Variants in OR4K1 observed in about 807,000 individuals in gnomAD.
OR4K1 encodes the protein olfactory receptor 4K1.
A neutral mutation model predicts 14.4 loss-of-function variants in OR4K1; 16 were observed. The ratio of observed to expected loss-of-function variants is 1.11; its 90% CI spans 0.75 to 1.68. OR4K1 has a LOEUF of 1.68. OR4K1 is among the 40% of genes most tolerant of loss of function. The pLI, the probability that OR4K1 is intolerant of heterozygous loss-of-function variation, is 0.00. For missense variants in OR4K1, 548 were observed against 376.9 expected, an observed-to-expected ratio of 1.45 and a Z score of -3.76; for synonymous variants, 181 against 133.1, an observed-to-expected ratio of 1.36 and a Z score of -2.48.
At chr14:19,926,580 C>A (rs1246921975), upstream of OR4K1, among the ~76,000 whole-genome samples, 3 of 152,214 alleles carry the variant, frequency 2.0e-5, no homozygotes, top group African/African-American at 7.2e-5. Flanking sequence ...GTTTTATATT[C>A]TTTACCACTG....
At chr14:19,928,911 G>A (rs1882121024), upstream of OR4K1, among the ~76,000 whole-genome samples, 1 of 151,920 alleles carries the variant, frequency 6.6e-6, no homozygotes, top group Non-Finnish European at 1.5e-5. Context: ...CATATATGTT[G>A]CACATATTTT....
At chr14:19,921,550 C>A in the OR4K1 span, 1 of 1,612,960 alleles carries the variant, frequency 6.2e-7, no homozygotes, top group South Asian at 1.1e-5. Flanking sequence ...TCTGAAATGT[C>A]ACTAGTAGTG....
chr14:19,922,078 C>CG, the OR4K1 span, among the ~76,000 whole-genome samples: 43,766 of 150,346 alleles, frequency 0.29, 4,618 homozygotes, highest in South Asian at 0.38. Context: ...CTCCCCCCCC[C>CG]AAAAATCAAT....
chr14:19,922,871 T>C, the OR4K1 span, among the ~76,000 whole-genome samples: 1 of 152,230 alleles, frequency 6.6e-6, no homozygotes, highest in East Asian at 1.9e-4. Flanking sequence ...GTAAAATTTA[T>C]CAGCTGTTCA....
At chr14:19,925,069 T>A in the OR4K1 span, among the ~76,000 whole-genome samples, 1 of 152,244 alleles carries the variant, frequency 6.6e-6, no homozygotes, top group Non-Finnish European at 1.5e-5. Flanking sequence ...TTCTTTTTTT[T>A]TCCTCTGGTT....
intron 1 of OR4K1, among the ~76,000 whole-genome samples, chr14:19,932,457 A>G (rs1882206711): frequency 2.0e-5 from 3 of 151,952 alleles, no homozygotes; most frequent in African/African-American, 7.3e-5. Flanking sequence ...ATTACGTTCC[A>G]CTCTGAAATG....
chr14:19,927,391 T>C (rs1158781727), upstream of OR4K1, among the ~76,000 whole-genome samples: 2 of 152,354 alleles, frequency 1.3e-5, no homozygotes, highest in Admixed American at 1.3e-4. Context: ...TAAGTAAAAA[T>C]AAACATGAAT....
At chr14:19,934,649 T>A (rs1390880831) in intron 1 of OR4K1, among the ~76,000 whole-genome samples, 1 of 152,010 alleles carries the variant, frequency 6.6e-6, no homozygotes, top group African/African-American at 2.4e-5. Flanking sequence ...TTTCTATCAT[T>A]TTCTTTTCTT....
chr14:19,935,569 G>GA, intron 1 of OR4K1, 79 bp from the exon 2 acceptor site: 1 of 1,066,966 alleles, frequency 9.4e-7, no homozygotes, highest in South Asian at 1.6e-5. Flanking sequence ...GTTTAGAATT[G>GA]ACTATATTTC....
At chr14:19,930,896 G>T (rs1179046126), upstream of OR4K1, 1 of 152,264 alleles carries the variant, frequency 6.6e-6, no homozygotes, top group African/African-American at 2.4e-5. Flanking sequence ...TTAAGTTATT[G>T]TAATTGCTCG....
chr14:19,929,649 G>A (rs1882143278), upstream of OR4K1, among the ~76,000 whole-genome samples: 1 of 152,124 alleles, frequency 6.6e-6, no homozygotes, highest in African/African-American at 2.4e-5. Flanking sequence ...TTATTAGGAG[G>A]ATTTGGCATT....
chr14:19,931,453 AC>A (rs1287773920), intron 1 of OR4K1: 2 of 152,292 alleles, frequency 1.3e-5, no homozygotes, highest in African/African-American at 2.4e-5. Flanking sequence ...CTGTTCAGTG[AC>A]TCTGTAGCCA....
At chr14:19,927,409 C>T (rs1379140318), upstream of OR4K1, among the ~76,000 whole-genome samples, 2 of 152,204 alleles carry the variant, frequency 1.3e-5, no homozygotes, top group Non-Finnish European at 2.9e-5. Flanking sequence ...AATTTGTGGG[C>T]TTTGAAAAAT....
At chr14:19,926,389 T>G (rs2138584335), upstream of OR4K1, among the ~76,000 whole-genome samples, 1 of 152,358 alleles carries the variant, frequency 6.6e-6, no homozygotes, top group South Asian at 2.1e-4. Flanking sequence ...CTATAGAACA[T>G]CATTTTAGTC....
At chr14:19,935,099 G>A (rs1176563413) in intron 1 of OR4K1, among the ~76,000 whole-genome samples, 50 of 152,200 alleles carry the variant, frequency 3.3e-4, no homozygotes, top group African/African-American at 1.2e-3. Flanking sequence ...AATTTTTATT[G>A]TTTCTTAGCA....
the OR4K1 span, among the ~76,000 whole-genome samples, chr14:19,925,886 G>A: frequency 6.6e-6 from 1 of 152,252 alleles, no homozygotes; most frequent in South Asian, 2.1e-4. Flanking sequence ...GAAAGTATCA[G>A]AGGTACACTT....
chr14:19,932,312 C>T (rs1882202461), intron 1 of OR4K1, among the ~76,000 whole-genome samples: 4 of 151,774 alleles, frequency 2.6e-5, no homozygotes, highest in South Asian at 2.1e-4. Context: ...TCTTCCTTCT[C>T]CTTCTCCTTT....
intron 1 of OR4K1, 125 bp from the exon 2 acceptor site, chr14:19,935,523 A>C (rs1345553263): frequency 1.2e-5 from 9 of 766,874 alleles, no homozygotes; most frequent in Admixed American, 2.8e-5. Flanking sequence ...TACATACGTA[A>C]ATATATGTAA....
chr14:19,927,216 C>T (rs546613955), upstream of OR4K1, among the ~76,000 whole-genome samples: 12 of 152,304 alleles, frequency 7.9e-5, no homozygotes, highest in Middle Eastern at 3.4e-3. Flanking sequence ...AGAGTTTCTA[C>T]GGATGACTTC....
Sources: allele counts gnomAD v4.1 joint callset (sites outside exome capture counted in the v4.1 genomes callset), GRCh38; gene constraint gnomAD v4.1.1; transcripts MANE v1.5; gene names NCBI Gene and HGNC (gene_info 2026-07-23, HGNC 2026-07-21).